The following KMT2E variants were observed in gnomAD, a reference collection of about 807,000 sequenced individuals.
KMT2E encodes lysine methyltransferase 2E (inactive), also known as histone reader KMT2E.
A neutral mutation model predicts 184.6 loss-of-function variants in KMT2E; 30 were observed. The ratio of observed to expected loss-of-function variants is 0.16; its 90% CI spans 0.12 to 0.22. The LOEUF (loss-of-function observed/expected upper bound fraction) is 0.22. Among genes scored for constraint, KMT2E ranks in the 10% least tolerant of loss-of-function variants. The probability of loss-of-function intolerance (pLI) is 1.00; values close to 1 mark genes in which losing one functional copy is unlikely to be tolerated. For missense variants in KMT2E, 2,023 were observed against 2,237.4 expected (o/e 0.90, Z 1.93); for synonymous variants, 815 against 776.5 (o/e 1.05, Z -0.82).
chr7:105,096,543 A>C (rs1798420120), intron 15 of KMT2E, among the ~76,000 whole-genome samples: 1 of 151,864 alleles, frequency 6.6e-6, no homozygotes, highest in African/African-American at 2.4e-5. Context: ...CTTGTCAAGC[A>C]GGTATTATAG....
At chr7:105,098,722 TGGGAGTCTTGCTTTGTGATG>T (rs1200114214) in intron 15 of KMT2E, among the ~76,000 whole-genome samples, 1 of 152,084 alleles carries the variant, frequency 6.6e-6, no homozygotes, top group East Asian at 1.9e-4. Flanking sequence ...TTTGTGGAGA[TGGGAGTCTTGCTTTGTGATG>T]GGGATATTAT....
chr7:105,017,310 C>T (rs1351654749), intron 1 of KMT2E, among the ~76,000 whole-genome samples: 37 of 152,076 alleles, frequency 2.4e-4, no homozygotes, highest in African/African-American at 8.7e-4. Flanking sequence ...ATGAAAAATA[C>T]CAAGTTAGAA....
At chr7:105,083,997 A>G (rs553813930) in intron 13 of KMT2E, among the ~76,000 whole-genome samples, 3 of 152,178 alleles carry the variant, frequency 2.0e-5, no homozygotes, top group East Asian at 1.9e-4. Context: ...ATCTATAGCT[A>G]TGTCTTTCTT....
Position 105,109,155 on chromosome 7 carries a change from T to G in KMT2E, c.3682T>G (p.Ser1228Ala), listed in dbSNP as rs1325303604. 1 of 1,614,160 alleles carries G rather than the reference T, an allele frequency of 6.2e-7. No individual in the cohort carries two copies. Among genetic ancestry groups the G allele is most frequent in the Non-Finnish European group, 8.5e-7 (1 of 1,180,012 alleles). ...PTPATVYNAT[S>A]EETSNNCPVK... Reference sequence around the variant, plus strand: ...ACCAGCTACAGTTTATAATGCCACTTCTGAAGAAACTAGCAATAACTGCCC... The same window carrying G: ...ACCAGCTACAGTTTATAATGCCACTGCTGAAGAAACTAGCAATAACTGCCC... The change falls in exon 23 of 27, where the codon TCT (serine) becomes GCT (alanine). Residue 1228 changes from serine to alanine, a missense_variant. Physicochemically the swap from Ser to Ala is moderately conservative, Grantham distance 99. Transcript: ENST00000311117.
At position 105,014,531 on chromosome 7, in the gene KMT2E, C is replaced by T. The variant is rs569659287; in HGVS notation, c.-193C>T. 1 of 152,322 alleles carries T rather than the reference C, an allele frequency of 6.6e-6. No individual in the cohort carries two copies. Among genetic ancestry groups the T allele is most frequent in the African/African-American group, 2.4e-5 (1 of 41,428 alleles). 9.4% of individuals were successfully genotyped at this position (152,322 alleles called of 1,614,324 possible). A position where few individuals can be genotyped will look rare whatever the true frequency, so the allele number is the denominator to read the frequency against. On this transcript the variant is annotated 5_prime_UTR_variant, in exon 1 of 27. Transcript: ENST00000311117. ...GTTCGGGTGTCTCGTGTGTGAACAT[C>T]ACAGGTTAGTGCCTGTCGTCTCCAT...
chr7:105,103,721 G>C (rs1798759502), intron 17 of KMT2E: 1 of 151,408 alleles, frequency 6.6e-6, no homozygotes, highest in African/African-American at 2.4e-5. Context: ...TTGGAAAAAA[G>C]GATGGGTAGA....
chr7:105,035,286 C>T (rs1191819315), intron 1 of KMT2E, among the ~76,000 whole-genome samples: 2 of 151,802 alleles, frequency 1.3e-5, no homozygotes, highest in Non-Finnish European at 2.9e-5. Flanking sequence ...CCTGCCTTGG[C>T]CTCCCAAAGT....
intron 1 of KMT2E, among the ~76,000 whole-genome samples, chr7:105,027,058 A>G (rs901000593): frequency 1.3e-5 from 2 of 148,906 alleles, no homozygotes; most frequent in African/African-American, 5.0e-5. Context: ...ATCCCTTTGC[A>G]GAAAGGCCCC....
intron 3 of KMT2E, among the ~76,000 whole-genome samples, chr7:105,061,630 G>C (rs1363142266): frequency 6.6e-6 from 1 of 152,116 alleles, no homozygotes; most frequent in East Asian, 1.9e-4. Flanking sequence ...CTTACAGATA[G>C]CTGTTTATGT....
Position 105,107,183 on chromosome 7 carries a change from A to G in KMT2E, c.2865A>G (p.Glu955=), listed in dbSNP as rs994131906. The change falls in exon 21 of 27, where the codon GAA becomes GAG. Residue 955 remains glutamate (E), a synonymous_variant. Coordinates refer to ENST00000311117, the MANE Select transcript of KMT2E (RefSeq NM_182931.3). ...ATATACAGAATATTTCTTCCCCAGA[A>G]AGTTCTCCAGAAATAAAGAGACGCA... ...TMHFENISSP[E]SSPEIKRRTY... 1.9e-6 allele frequency: 3 copies of G among 1,539,860 alleles called. No homozygotes were observed. The highest frequency in any genetic ancestry group is 2.7e-6 in the Non-Finnish European group (3 of 1,130,934).
chr7:105,108,502 T>C, intron 22 of KMT2E: 1 of 448,804 alleles, frequency 2.2e-6, no homozygotes, highest in Non-Finnish European at 4.5e-6. Flanking sequence ...GCTTTGCAAG[T>C]CCAAGAATTT....
intron 1 of KMT2E, among the ~76,000 whole-genome samples, chr7:105,024,482 T>C (rs1454773241): frequency 6.6e-6 from 1 of 152,216 alleles, no homozygotes; most frequent in Non-Finnish European, 1.5e-5. Context: ...ACATTTAGAA[T>C]TGACTTAAGA....
rs190207268 is a variant in KMT2E, at chr7:105,093,501, A to G, written c.1722+2187A>G. 3.1e-3 allele frequency among the ~76,000 whole-genome samples: 479 copies of G among 152,126 alleles called. 5 individuals are homozygous for G. The highest frequency in any genetic ancestry group is 0.01 in the African/African-American group (416 of 41,510). On this transcript the variant is annotated intron_variant, in intron 15 of 26. Transcript: ENST00000311117. Reference sequence around the variant, plus strand: ...GTTCGAGACCAGCCTGACCAATATGATGAAACCCCATCTCTACTAAAAATA... The same window carrying G: ...GTTCGAGACCAGCCTGACCAATATGGTGAAACCCCATCTCTACTAAAAATA...
intron 6 of KMT2E, among the ~76,000 whole-genome samples, chr7:105,069,179 G>T (rs1425885131): frequency 6.6e-6 from 1 of 152,112 alleles, no homozygotes; most frequent in Non-Finnish European, 1.5e-5. Context: ...ATTGGTCACT[G>T]TTCCTAGTCT....
chr7:105,064,372 T>C (rs1328627149), intron 5 of KMT2E, among the ~76,000 whole-genome samples: 2 of 151,886 alleles, frequency 1.3e-5, no homozygotes, highest in Non-Finnish European at 2.9e-5. Context: ...ATGGTGTTGC[T>C]TAATTATTTG....
intron 3 of KMT2E, among the ~76,000 whole-genome samples, chr7:105,051,776 G>A (rs1280161619): frequency 2.0e-5 from 3 of 151,960 alleles, no homozygotes; most frequent in Admixed American, 6.6e-5. Flanking sequence ...GCGCCACCAC[G>A]CCCAGCTAAT....
chr7:105,095,654 C>A (rs901615389), intron 15 of KMT2E, among the ~76,000 whole-genome samples: 1 of 152,020 alleles, frequency 6.6e-6, no homozygotes, highest in Non-Finnish European at 1.5e-5. Context: ...CTTAAGAAGT[C>A]GTTACCTGCT....
At chr7:105,023,422 A>AAAAAAAAAG (rs71155546) in intron 1 of KMT2E, among the ~76,000 whole-genome samples, 1 of 145,190 alleles carries the variant, frequency 6.9e-6, no homozygotes, top group East Asian at 2.2e-4. Context: ...AAAAAAAAAA[A>AAAAAAAAAG]GAGAGACAAA....
At chr7:105,105,333 A>G in intron 17 of KMT2E, 106 bp from the exon 18 acceptor site, 1 of 787,076 alleles carries the variant, frequency 1.3e-6, no homozygotes, top group Non-Finnish European at 2.0e-6. Flanking sequence ...TAAATTACCC[A>G]ATTTATCATT....
Sources: gnomAD v4.1 joint callset for allele counts (sites outside exome capture counted in the v4.1 genomes callset) on GRCh38, gnomAD v4.1.1 for gene constraint, MANE v1.5 for transcripts, NCBI Gene and HGNC (gene_info 2026-07-23, HGNC 2026-07-21) for gene names.